FIP1L1: variants seen among roughly 807,000 people sequenced by gnomAD.
FIP1L1 encodes the protein pre-mRNA 3'-end-processing factor FIP1.
FIP1L1 carries 21 observed loss-of-function variants against 84.6 expected under a neutral mutation model. The ratio of observed to expected loss-of-function variants is 0.25; its 90% CI spans 0.18 to 0.36. The LOEUF (loss-of-function observed/expected upper bound fraction) is 0.36. FIP1L1 is among the 10% of genes least tolerant of loss of function. FIP1L1 has a pLI of 1.00. For synonymous variants in FIP1L1, 263 were observed against 242.3 expected, an observed-to-expected ratio of 1.09 and a Z score of -0.80; for missense variants, 526 against 751.1, an observed-to-expected ratio of 0.70 and a Z score of 3.50.
At position 53,458,899 on chromosome 4, in the gene FIP1L1, G is replaced by C. The variant is rs115012307; in HGVS notation, c.1637+109G>C. 2,307 of 1,266,728 alleles carry C rather than the reference G, an allele frequency of 1.8e-3. 45 individuals carry two copies. The African/African-American group carries it at 0.031, about 17-fold the overall frequency. 78.5% of individuals were successfully genotyped at this position (1,266,728 alleles called of 1,614,324 possible). The stretch of plus-strand genomic sequence containing the variant: ...TTGGCCTATGAACCAGTCTTGCTTG[G>C]TTTCATTAAAGAAAAATTCAGGGCC... On this transcript the variant is annotated intron_variant, in intron 17 of 17. Transcript: ENST00000337488.
At chr4:53,416,489 C>CT (rs1173052401) in intron 11 of FIP1L1, among the ~76,000 whole-genome samples, 2 of 152,192 alleles carry the variant, frequency 1.3e-5, no homozygotes, top group African/African-American at 4.8e-5. Context: ...ACCTGAAACT[C>CT]TTTATTTTCT....
rs572082405 is a variant in FIP1L1 at position 53,458,484 on chromosome 4, A to G, written c.1500-169A>G. On this transcript the variant is annotated intron_variant, in intron 16 of 17. Coordinates refer to ENST00000337488, the MANE Select transcript of FIP1L1 (RefSeq NM_030917.4). ...TAGCTCTAGTGCTATTTTGAGAACAAGCATTATTTTCCTCTCAATTCAACG... is the reference window on the plus strand; with the variant it reads ...TAGCTCTAGTGCTATTTTGAGAACAGGCATTATTTTCCTCTCAATTCAACG... The G allele has an allele frequency of 2.9e-5, 15 of 524,924 alleles. No individual in the cohort carries two copies. The East Asian group carries it at 3.9e-4, about 14-fold the overall frequency. 32.5% of individuals were successfully genotyped at this position (524,924 alleles called of 1,614,324 possible). A position where few individuals can be genotyped will look rare whatever the true frequency, so the allele number is the denominator to read the frequency against.
chr4:53,457,770 A>G (rs749327054), intron 16 of FIP1L1, among the ~76,000 whole-genome samples: 11 of 152,164 alleles, frequency 7.2e-5, no homozygotes, highest in Non-Finnish European at 1.5e-4. Context: ...GTTGACTTCT[A>G]TGCTAAACAT....
intron 9 of FIP1L1, among the ~76,000 whole-genome samples, chr4:53,392,849 G>A (rs1027408446): frequency 2.0e-5 from 3 of 152,166 alleles, no homozygotes; most frequent in South Asian, 4.1e-4. Context: ...AGGTCATAGA[G>A]TATTCCATTC....
At chr4:53,415,742 TTA>T (rs1216790318) in intron 11 of FIP1L1, among the ~76,000 whole-genome samples, 1 of 152,136 alleles carries the variant, frequency 6.6e-6, no homozygotes, top group African/African-American at 2.4e-5. Context: ...ACAGTCTTAA[TTA>T]TATGTTCCAC....
intron 10 of FIP1L1, among the ~76,000 whole-genome samples, chr4:53,403,842 A>T (rs1182952285): frequency 6.6e-6 from 1 of 151,984 alleles, no homozygotes; most frequent in Admixed American, 6.6e-5. Context: ...TCTTAGATGA[A>T]GTGGTTGTGC....
chr4:53,393,585 AAAT>A (rs1745468722), intron 9 of FIP1L1, among the ~76,000 whole-genome samples: 2 of 152,170 alleles, frequency 1.3e-5, no homozygotes. Flanking sequence ...ATAGGTATAA[AAAT>A]AAAGCCACTC....
chr4:53,455,655 A>C (rs1234806756), intron 16 of FIP1L1, among the ~76,000 whole-genome samples: 1 of 152,098 alleles, frequency 6.6e-6, no homozygotes, highest in Non-Finnish European at 1.5e-5. Context: ...CTGTTCAGAG[A>C]TATTATAACA....
chr4:53,380,343 A>G (rs1276530543), intron 3 of FIP1L1, among the ~76,000 whole-genome samples: 1 of 152,198 alleles, frequency 6.6e-6, no homozygotes, highest in African/African-American at 2.4e-5. Context: ...ACACGGATGA[A>G]CCTTACAAAT....
At chr4:53,378,086 C>A (rs1000879186) in intron 1 of FIP1L1, 163 bp downstream of exon 1, 13 of 570,948 alleles carry the variant, frequency 2.3e-5, no homozygotes, top group African/African-American at 4.0e-5. Flanking sequence ...TGCCCCCAGT[C>A]CCCGCGGCGG....
intron 10 of FIP1L1, among the ~76,000 whole-genome samples, chr4:53,414,045 A>C (rs139963474): frequency 6.6e-6 from 1 of 152,200 alleles, no homozygotes; most frequent in Non-Finnish European, 1.5e-5. Context: ...CAATATTGCA[A>C]ATATCTGAAC....
chr4:53,405,198 A>G (rs1712067849), intron 10 of FIP1L1, among the ~76,000 whole-genome samples: 1 of 152,128 alleles, frequency 6.6e-6, no homozygotes, highest in South Asian at 2.1e-4. Flanking sequence ...AGGTGTAAGG[A>G]AGGGATCCAG....
intron 14 of FIP1L1, among the ~76,000 whole-genome samples, chr4:53,443,810 G>T (rs543420455): frequency 7.9e-5 from 12 of 151,804 alleles, no homozygotes; most frequent in Non-Finnish European, 1.5e-5. Context: ...AAGTTGATTG[G>T]ATTATTTATG....
intron 10 of FIP1L1, among the ~76,000 whole-genome samples, chr4:53,410,515 G>A (rs145530672): frequency 2.0e-5 from 3 of 152,246 alleles, no homozygotes; most frequent in Non-Finnish European, 2.9e-5. Context: ...TTGATGTTGC[G>A]AGTTGTCTCT....
chr4:53,414,554 G>T, intron 10 of FIP1L1, 61 bp from the exon 11 acceptor site: 3 of 1,067,920 alleles, frequency 2.8e-6, no homozygotes, highest in South Asian at 1.6e-5. Flanking sequence ...AAAAAAAACA[G>T]AACAAGGGGG....
intron 17 of FIP1L1, 131 bp from the exon 18 acceptor site, chr4:53,459,171 A>G: frequency 2.9e-6 from 2 of 692,666 alleles, no homozygotes; most frequent in Non-Finnish European, 4.8e-6. Flanking sequence ...CTCACATTAT[A>G]TTTATGAGAA....
chr4:53,422,123 A>T (rs1464515649), intron 11 of FIP1L1, among the ~76,000 whole-genome samples: 2 of 152,128 alleles, frequency 1.3e-5, no homozygotes, highest in Non-Finnish European at 2.9e-5. Flanking sequence ...TGGAGACTTT[A>T]TTTCCATATT....
chr4:53,437,644 A>G lies in FIP1L1; in HGVS notation c.1175-5009A>G, dbSNP rs537379964. Among the ~76,000 whole-genome samples the G allele has an allele frequency of 3.1e-4, 47 of 152,016 alleles. 2 individuals carry two copies. The South Asian group carries it at 9.6e-3, about 31-fold the overall frequency. ...AGAAATTCTAGGGGAAGGGCCCAGC[A>G]ATCTGTGTGTTTTAAGAGACTCTCC... On this transcript the variant is annotated intron_variant, in intron 13 of 17. Transcript: ENST00000337488.
chr4:53,441,704 A>G (rs1772008432), intron 13 of FIP1L1, among the ~76,000 whole-genome samples: 1 of 151,992 alleles, frequency 6.6e-6, no homozygotes, highest in Non-Finnish European at 1.5e-5. Context: ...CAGAATTACT[A>G]AAACGGAGGC....
Sources: gnomAD v4.1 joint callset for allele counts (sites outside exome capture counted in the v4.1 genomes callset) on GRCh38, gnomAD v4.1.1 for gene constraint, MANE v1.5 for transcripts, NCBI Gene and HGNC (gene_info 2026-07-23, HGNC 2026-07-21) for gene names.